The following PLCL2 variants were observed in gnomAD, a reference collection of about 807,000 sequenced individuals.
PLCL2 encodes phospholipase C like 2.
A neutral mutation model predicts 79.6 loss-of-function variants in PLCL2; 4 were observed. The observed-to-expected ratio is 0.05, with a 90% confidence interval of 0.02 to 0.11. The LOEUF (loss-of-function observed/expected upper bound fraction) is 0.11, where lower values mean the gene tolerates loss of function less well. Among genes scored for constraint, PLCL2 ranks in the 10% least tolerant of loss-of-function variants. PLCL2 has a pLI of 1.00. For missense variants in PLCL2, 895 were observed against 1,291.0 expected (o/e 0.69, Z 4.70); for synonymous variants, 484 against 457.7 (o/e 1.06, Z -0.73).
At chr3:17,006,568 C>G (rs2064262160) in intron 1 of PLCL2, among the ~76,000 whole-genome samples, 1 of 152,170 alleles carries the variant, frequency 6.6e-6, no homozygotes, top group South Asian at 2.1e-4. Flanking sequence ...GAAGGAGAAG[C>G]AGATTCAGGC....
At chr3:16,902,875 T>C (rs1575519772) in intron 1 of PLCL2, among the ~76,000 whole-genome samples, 1 of 147,120 alleles carries the variant, frequency 6.8e-6, no homozygotes, top group Non-Finnish European at 1.5e-5. Flanking sequence ...TGTGTGTGTG[T>C]GTGTGTGNGC....
chr3:17,034,771 T>G (rs2064624513), intron 3 of PLCL2, among the ~76,000 whole-genome samples: 1 of 152,198 alleles, frequency 6.6e-6, no homozygotes, highest in African/African-American at 2.4e-5. Context: ...TAAAATTGGT[T>G]TCATTGTACC....
At chr3:16,902,356 G>T (rs757430832) in intron 1 of PLCL2, among the ~76,000 whole-genome samples, 1 of 152,028 alleles carries the variant, frequency 6.6e-6, no homozygotes, top group African/African-American at 2.4e-5. Flanking sequence ...GTTCTGATAG[G>T]GGCTGCTATT....
At chr3:16,927,925 G>A (rs1456262447) in intron 1 of PLCL2, among the ~76,000 whole-genome samples, 1 of 152,238 alleles carries the variant, frequency 6.6e-6, no homozygotes, top group Middle Eastern at 3.2e-3. Context: ...GAATTGCCAA[G>A]AGGCGAACAT....
At chr3:17,021,154 AAATG>A (rs2064447201) in intron 3 of PLCL2, among the ~76,000 whole-genome samples, 1 of 152,180 alleles carries the variant, frequency 6.6e-6, no homozygotes, top group Admixed American at 6.6e-5. Context: ...AATAAGCTAA[AAATG>A]AATGAAAGAA....
chr3:17,027,868 G>A (rs1345330906), intron 3 of PLCL2, among the ~76,000 whole-genome samples: 1 of 152,194 alleles, frequency 6.6e-6, no homozygotes, highest in African/African-American at 2.4e-5. Context: ...AGAGGAAAAA[G>A]CCAGTGGAAA....
rs569784655 is a variant in PLCL2, at chr3:16,905,521, G to T, written c.327+20155G>T. Reference sequence around the variant, plus strand: ...TTAATTTTTTGGAAAGCAGCCAGTTGATTTTTGCATTTAAATGAGAGTGAG... The same window carrying T: ...TTAATTTTTTGGAAAGCAGCCAGTTTATTTTTGCATTTAAATGAGAGTGAG... On this transcript the variant is annotated intron_variant, in intron 1 of 5. Coordinates refer to ENST00000615277, the MANE Select transcript of PLCL2 (RefSeq NM_001144382.2). 2.6e-5 allele frequency among the ~76,000 whole-genome samples: 4 copies of T among 152,202 alleles called. No individual in the cohort carries two copies. The East Asian group carries it at 7.7e-4, about 29-fold the overall frequency.
intron 4 of PLCL2, among the ~76,000 whole-genome samples, chr3:17,058,657 G>A (rs567003579): frequency 6.6e-6 from 1 of 152,142 alleles, no homozygotes; most frequent in Non-Finnish European, 1.5e-5. Flanking sequence ...CATTGCAAAG[G>A]TGATCTTTCA....
chr3:16,980,311 C>T (rs1434420729), intron 1 of PLCL2, among the ~76,000 whole-genome samples: 6 of 150,022 alleles, frequency 4.0e-5, no homozygotes, highest in Non-Finnish European at 7.4e-5. Flanking sequence ...GGCGGCTGGC[C>T]GGGCGGAGAC....
chr3:16,901,714 C>T (rs1001914870), intron 1 of PLCL2, among the ~76,000 whole-genome samples: 3 of 152,162 alleles, frequency 2.0e-5, no homozygotes, highest in East Asian at 1.9e-4. Context: ...AGCCTGTAAG[C>T]ATTCTCACGT....
At chr3:16,894,412 A>G (rs1696422417) in intron 1 of PLCL2, among the ~76,000 whole-genome samples, 1 of 152,152 alleles carries the variant, frequency 6.6e-6, no homozygotes, top group South Asian at 2.1e-4. Flanking sequence ...GTTTATGTAT[A>G]TTTCCAGAAA....
At chr3:17,026,740 G>A (rs1319039585) in intron 3 of PLCL2, among the ~76,000 whole-genome samples, 3 of 152,042 alleles carry the variant, frequency 2.0e-5, no homozygotes, top group East Asian at 1.9e-4. Context: ...GATGGTGCAT[G>A]CCTTTAGTCC....
intron 1 of PLCL2, among the ~76,000 whole-genome samples, chr3:16,983,182 G>A (rs1033210215): frequency 6.7e-4 from 102 of 152,296 alleles, no homozygotes; most frequent in African/African-American, 2.3e-3. Context: ...ACTAAAGGAT[G>A]TGTTTTGTTT....
Position 16,886,971 on chromosome 3 carries a change from CA to C in PLCL2, c.327+1608del, listed in dbSNP as rs1489666129. Among the ~76,000 whole-genome samples the C allele has an allele frequency of 6.6e-6, 1 of 152,120 alleles. No homozygotes were observed. Among genetic ancestry groups the C allele is most frequent in the Non-Finnish European group, 1.5e-5 (1 of 68,016 alleles). Reference sequence around the variant, plus strand: ...AATACTTGTTTTTGCATTAAAAAATCAAACTTTATTAGTGTCCATAGTGAGA... The same window carrying C: ...AATACTTGTTTTTGCATTAAAAAATCAACTTTATTAGTGTCCATAGTGAGA... On this transcript the variant is annotated intron_variant, in intron 1 of 5. Coordinates refer to ENST00000615277, the MANE Select transcript of PLCL2 (RefSeq NM_001144382.2). The surrounding 1 kb of genome is among the most constrained non-coding windows in gnomAD (Gnocchi z 4.2).
At chr3:16,971,548 A>G (rs916907610) in intron 1 of PLCL2, among the ~76,000 whole-genome samples, 1 of 152,146 alleles carries the variant, frequency 6.6e-6, no homozygotes, top group Non-Finnish European at 1.5e-5. Flanking sequence ...TTTTGGTTCC[A>G]TATGAACTTT....
Position 17,083,737 on chromosome 3 carries a change from A to T in PLCL2, c.3205-5996A>T, listed in dbSNP as rs149196768. Reference sequence around the variant, plus strand: ...CTAGGACCTACTGACAGATGGGATGATAGATGGAAGAAAAAGGGAAGAATG... The same window carrying T: ...CTAGGACCTACTGACAGATGGGATGTTAGATGGAAGAAAAAGGGAAGAATG... On this transcript the variant is annotated intron_variant, in intron 5 of 5. Transcript: ENST00000615277. Among the ~76,000 whole-genome samples, 745 of 152,292 alleles carry T rather than the reference A, an allele frequency of 4.9e-3. 4 individuals are homozygous for T. The highest frequency in any genetic ancestry group is 7.2e-3 in the Non-Finnish European group (488 of 68,028).
intron 1 of PLCL2, among the ~76,000 whole-genome samples, chr3:16,946,026 C>A (rs183306515): frequency 2.8e-4 from 42 of 152,290 alleles, no homozygotes; most frequent in African/African-American, 9.6e-4. Context: ...AGAACAAGAA[C>A]AGTGGCGGTC....
Position 16,976,413 on chromosome 3 carries a change from T to C in PLCL2, c.328-33261T>C, listed in dbSNP as rs138606716. On this transcript the variant is annotated intron_variant, in intron 1 of 5. Coordinates refer to ENST00000615277, the MANE Select transcript of PLCL2 (RefSeq NM_001144382.2). The stretch of plus-strand genomic sequence containing the variant: ...TCAGGAAGATTTTCTGTATTTCATC[T>C]GGAGGCAGAATTCTTTCTTCTTAGG... 8.3e-4 allele frequency among the ~76,000 whole-genome samples: 127 copies of C among 152,362 alleles called. No homozygotes were observed. In the East Asian group the frequency reaches 0.02, roughly 24 times the overall value.
At chr3:17,031,877 C>T (rs1369813687) in intron 3 of PLCL2, among the ~76,000 whole-genome samples, 1 of 150,182 alleles carries the variant, frequency 6.7e-6, no homozygotes, top group African/African-American at 2.4e-5. Flanking sequence ...ATAATTGCAG[C>T]AGAGTTCCTT....
Sources: allele counts gnomAD v4.1 joint callset (sites outside exome capture counted in the v4.1 genomes callset), GRCh38; gene constraint gnomAD v4.1.1; non-coding constraint Gnocchi (gnomAD v3.1); transcripts MANE v1.5; gene names NCBI Gene and HGNC (gene_info 2026-07-23, HGNC 2026-07-21).